Variants in ANK3 observed in about 807,000 individuals in gnomAD.
The protein encoded by ANK3 is ankyrin 3.
In ANK3, 57 loss-of-function variants were observed where a neutral mutation model predicts 370.9. The observed-to-expected ratio is 0.15, with a 90% CI of 0.12 to 0.19. ANK3 has a LOEUF of 0.19. ANK3 is among the 10% of genes least tolerant of loss of function. The pLI is 1.00. For synonymous variants in ANK3, 1,929 were observed against 1,946.3 expected (o/e 0.99, Z 0.23); for missense variants, 4,439 against 5,302.1 (o/e 0.84, Z 5.06).
intron 8 of ANK3, among the ~76,000 whole-genome samples, chr10:60,226,498 AT>A (rs2097152019): frequency 1.2e-5 from 1 of 84,216 alleles, no homozygotes; most frequent in Non-Finnish European, 2.0e-5. Context: ...TACATATACT[AT>A]AGTATATATA....
intron 1 of ANK3, among the ~76,000 whole-genome samples, chr10:60,709,640 C>A (rs1011674943): frequency 6.6e-6 from 1 of 151,966 alleles, no homozygotes; most frequent in African/African-American, 2.4e-5. Flanking sequence ...GCCTGGGCAA[C>A]ATGGCGAAAC....
chr10:60,102,319 T>C (rs988911384), intron 28 of ANK3, among the ~76,000 whole-genome samples: 13 of 152,046 alleles, frequency 8.6e-5, no homozygotes, highest in Admixed American at 8.5e-4. Context: ...GTTGTGACTA[T>C]GACTAAACAC....
intron 2 of ANK3, among the ~76,000 whole-genome samples, chr10:60,399,322 A>G (rs1180624616): frequency 6.6e-6 from 1 of 152,202 alleles, no homozygotes; most frequent in Non-Finnish European, 1.5e-5. Context: ...ATCTACTCTG[A>G]AAGTGAATAC....
chr10:60,376,617 A>G (rs929667305), intron 1 of ANK3, among the ~76,000 whole-genome samples: 4 of 152,224 alleles, frequency 2.6e-5, no homozygotes, highest in Non-Finnish European at 5.9e-5. Context: ...TACCTTAGCC[A>G]CTGGGCAGGA....
intron 1 of ANK3, among the ~76,000 whole-genome samples, chr10:60,705,633 C>T (rs1484356591): frequency 6.6e-6 from 1 of 152,000 alleles, no homozygotes; most frequent in African/African-American, 2.4e-5. Context: ...AGCTGTGTTT[C>T]TTCCCCCACA....
intron 2 of ANK3, among the ~76,000 whole-genome samples, chr10:60,404,693 T>C (rs1010465845): frequency 2.0e-4 from 31 of 152,070 alleles, no homozygotes; most frequent in Non-Finnish European, 3.8e-4. Context: ...ATACAGAATA[T>C]AGTAGTTACA....
In ANK3 at chr10:60,134,183, T is replaced by C. The variant is rs867738352; in HGVS notation, c.2841+88A>G. The stretch of plus-strand genomic sequence containing the variant: ...AAATGTAAAATCAAACATGCAGAAA[T>C]ATATTTTTTGTCACAAGACAGAGAG... On this transcript the variant is annotated intron_variant, in intron 25 of 43. Transcript: ENST00000280772. The C allele has an allele frequency of 1.4e-5, 15 of 1,066,328 alleles. No homozygotes were observed. The African/African-American group carries it at 2.1e-4, about 15-fold the overall frequency. 66.1% of individuals were successfully genotyped at this position (1,066,328 alleles called of 1,614,324 possible).
intron 25 of ANK3, among the ~76,000 whole-genome samples, chr10:60,119,402 T>G (rs2093326202): frequency 6.6e-6 from 1 of 152,244 alleles, no homozygotes; most frequent in Non-Finnish European, 1.5e-5. Context: ...CATGTTACTG[T>G]GCATAGCACC....
At chr10:60,372,012 G>A (rs1182192735) in intron 1 of ANK3, among the ~76,000 whole-genome samples, 1 of 152,086 alleles carries the variant, frequency 6.6e-6, no homozygotes, top group Non-Finnish European at 1.5e-5. Flanking sequence ...ATACTACAAT[G>A]GAAAACACAG....
chr10:60,353,320 C>T (rs1202891466), intron 1 of ANK3, among the ~76,000 whole-genome samples: 1 of 152,028 alleles, frequency 6.6e-6, no homozygotes, highest in Non-Finnish European at 1.5e-5. Context: ...TCTAGTATTT[C>T]TTTAGTCCAT....
At chr10:60,525,963 C>T (rs2076461001) in intron 2 of ANK3, among the ~76,000 whole-genome samples, 1 of 152,046 alleles carries the variant, frequency 6.6e-6, no homozygotes, top group African/African-American at 2.4e-5. Flanking sequence ...TGGATTTAAG[C>T]TCTTTCAGAG....
intron 1 of ANK3, among the ~76,000 whole-genome samples, chr10:60,334,692 G>C (rs1374985750): frequency 6.6e-6 from 1 of 152,016 alleles, no homozygotes; most frequent in African/African-American, 2.4e-5. Flanking sequence ...ATTTTTCTTA[G>C]CTAAAAAAAT....
chr10:60,578,591 G>A (rs888368411), intron 2 of ANK3, among the ~76,000 whole-genome samples: 1 of 152,152 alleles, frequency 6.6e-6, no homozygotes, highest in Admixed American at 6.5e-5. Flanking sequence ...TAAGAACTAA[G>A]GCTGCTTATA....
intron 1 of ANK3, among the ~76,000 whole-genome samples, chr10:60,675,988 G>A (rs1011485621): frequency 6.6e-6 from 1 of 151,856 alleles, no homozygotes; most frequent in Non-Finnish European, 1.5e-5. Flanking sequence ...AAGTTAAATT[G>A]CACCATTTAT....
intron 23 of ANK3, among the ~76,000 whole-genome samples, chr10:60,157,339 T>C (rs1171806414): frequency 7.4e-6 from 1 of 135,226 alleles, no homozygotes; most frequent in South Asian, 2.9e-4. Flanking sequence ...GCCCGGCTTT[T>C]TTTTTTTTTT....
intron 1 of ANK3, among the ~76,000 whole-genome samples, chr10:60,346,963 AG>A (rs2132679401): frequency 6.1e-5 from 1 of 16,348 alleles, no homozygotes; most frequent in East Asian, 3.0e-3. Context: ...CATACATAAG[AG>A]TCTTTTAAAC....
intron 7 of ANK3, among the ~76,000 whole-genome samples, chr10:60,255,500 C>A (rs2097721421): frequency 6.6e-6 from 1 of 152,066 alleles, no homozygotes; most frequent in South Asian, 2.1e-4. Context: ...GCTTAGATAG[C>A]AAATAGAGTG....
chr10:60,654,264 G>C (rs1292811897), intron 1 of ANK3, among the ~76,000 whole-genome samples: 2 of 152,052 alleles, frequency 1.3e-5, no homozygotes, highest in Admixed American at 1.3e-4. Flanking sequence ...TCTACAAATA[G>C]ACAGTTTTAC....
intron 28 of ANK3, among the ~76,000 whole-genome samples, chr10:60,104,670 T>C (rs181169919): frequency 5.9e-5 from 9 of 152,300 alleles, no homozygotes; most frequent in Admixed American, 5.2e-4. Context: ...ACAATTACTA[T>C]TCTCCCTCTA....
Sources: allele counts gnomAD v4.1 joint callset (sites outside exome capture counted in the v4.1 genomes callset), GRCh38; gene constraint gnomAD v4.1.1; transcripts MANE v1.5; gene names NCBI Gene and HGNC (gene_info 2026-07-23, HGNC 2026-07-21).